Variants in DCST1 observed in about 807,000 individuals in gnomAD.
DCST1 encodes the protein DC-STAMP domain containing 1.
In DCST1, 78 loss-of-function variants were observed where a neutral mutation model predicts 89.1. That is an observed-to-expected ratio of 0.88 (90% confidence interval 0.73 to 1.06). The LOEUF is 1.06. Among genes scored for constraint, DCST1 ranks in the 50% least tolerant of loss-of-function variants. The pLI is 0.00. For missense variants in DCST1, 900 were observed against 928.6 expected (o/e 0.97, Z 0.40); for synonymous variants, 364 against 371.9 (o/e 0.98, Z 0.24).
In DCST1 at chr1:155,041,451, G is replaced by A; in HGVS notation, c.586G>A (p.Asp196Asn). 3 of 1,614,070 alleles carry A rather than the reference G, an allele frequency of 1.9e-6. No homozygotes were observed. The highest frequency in any genetic ancestry group is 2.5e-6 in the Non-Finnish European group (3 of 1,180,044). ...TCGGAACATCTCCGCCACTTTTGAG[G>A]ACCTGGATGCCCAGGTGAATAGTGA... ...ETRNISATFEDLDAQVNSETG... is the reference protein window; with the variant it reads ...ETRNISATFENLDAQVNSETG... Residue 196 changes from aspartate (D) to asparagine (N), a missense_variant, in exon 7 of 17, where the codon GAC (aspartate) becomes AAC (asparagine). Transcript: ENST00000295542.
chr1:155,046,146 C>T lies in DCST1; in HGVS notation c.1294C>T (p.Leu432Phe). Residue 432 changes from leucine (L) to phenylalanine (F), a missense_variant, in exon 12 of 17, where the codon CTC becomes TTC. Physicochemically the swap from Leu to Phe is conservative, Grantham distance 22. Coordinates refer to ENST00000295542, the MANE Select transcript of DCST1 (RefSeq NM_152494.4). Reference sequence around the variant, plus strand: ...CCAGGGCAAACGGACTCTGCTGCCACTCCGCAAAGCTGAGGAGAAAACCGT... The same window carrying T: ...CCAGGGCAAACGGACTCTGCTGCCATTCCGCAAAGCTGAGGAGAAAACCGT... ...KKLGKRTLLPLRKAEEKTVIF... is the reference protein window; with the variant it reads ...KKLGKRTLLPFRKAEEKTVIF... 6.2e-7 allele frequency: 1 copy of T among 1,614,226 alleles called. No individual in the cohort carries two copies. The highest frequency in any genetic ancestry group is 8.5e-7 in the Non-Finnish European group (1 of 1,180,044).
chr1:155,034,196 C>A, intron 2 of DCST1, 99 bp downstream of exon 2: 2 of 1,549,134 alleles, frequency 1.3e-6, no homozygotes, highest in Non-Finnish European at 8.9e-7. Context: ...TCGGTGTCCG[C>A]GCCTCCACCA....
chr1:155,034,392 A>G (rs1279309706), intron 2 of DCST1, 43 bp from the exon 3 acceptor site: 1 of 1,613,322 alleles, frequency 6.2e-7, no homozygotes, highest in East Asian at 2.2e-5. Context: ...GCCCCATCCC[A>G]GGCAGAAGAG....
chr1:155,040,675 A>G, intron 6 of DCST1, 51 bp downstream of exon 6: 1 of 1,501,194 alleles, frequency 6.7e-7, no homozygotes, highest in Non-Finnish European at 8.9e-7. Context: ...CCTGGGGCCA[A>G]GTTAACTTGA....
intron 8 of DCST1, among the ~76,000 whole-genome samples, chr1:155,042,312 T>A (rs921599149): frequency 6.6e-6 from 1 of 152,154 alleles, no homozygotes; most frequent in Non-Finnish European, 1.5e-5. Context: ...TTGACCAAGC[T>A]GGTCTTGAAC....
chr1:155,046,979 T>C (rs1660663052), intron 13 of DCST1, among the ~76,000 whole-genome samples: 1 of 152,108 alleles, frequency 6.6e-6, no homozygotes, highest in Non-Finnish European at 1.5e-5. Flanking sequence ...ATGACAGCCC[T>C]GCAACCTGAC....
In DCST1 at chr1:155,047,317, G is replaced by A; in HGVS notation, c.1612+5G>A. On this transcript the variant is annotated splice_donor_5th_base_variant and intron_variant, in intron 14 of 16. Transcript: ENST00000295542. ...TGATGGAATCAAACAACATGCGTGA[G>A]TGATGCTGAAAGTTTGGATCAGAGG... The A allele has an allele frequency of 6.2e-7, 1 of 1,608,866 alleles. No homozygotes were observed. The highest frequency in any genetic ancestry group is 1.3e-5 in the African/African-American group (1 of 74,952).
At chr1:155,047,143 A>G (rs1404354393) in intron 13 of DCST1, 53 bp from the exon 14 acceptor site, 3 of 1,429,810 alleles carry the variant, frequency 2.1e-6, no homozygotes, top group Non-Finnish European at 3.0e-6. Flanking sequence ...CCCTTAACAC[A>G]TTCCTGATTT....
At chr1:155,036,140 G>A (rs1004693401) in intron 4 of DCST1, among the ~76,000 whole-genome samples, 1 of 150,536 alleles carries the variant, frequency 6.6e-6, no homozygotes, top group South Asian at 2.1e-4. Context: ...CCCCACAGTA[G>A]ACTTCCTCAC....
chr1:155,040,260 GC>G (rs1660399112), intron 5 of DCST1, among the ~76,000 whole-genome samples: 1 of 141,214 alleles, frequency 7.1e-6, no homozygotes, highest in Non-Finnish European at 1.5e-5. Context: ...CAGAGATCGA[GC>G]CACTGCACTC....
chr1:155,046,807 T>G (rs188972355), intron 13 of DCST1, among the ~76,000 whole-genome samples: 1 of 152,094 alleles, frequency 6.6e-6, no homozygotes, highest in East Asian at 1.9e-4. Context: ...AGTTTCACCA[T>G]GTTGGTCAGG....
chr1:155,046,600 C>CCTTTTTTT, intron 13 of DCST1, 114 bp downstream of exon 13: 1 of 532,372 alleles, frequency 1.9e-6, no homozygotes, highest in Non-Finnish European at 2.6e-6. Context: ...CCTTCTGCCT[C>CCTTTTTTT]TTTTTTTTTT....
chr1:155,041,503 T>C lies in DCST1; in HGVS notation c.638T>C (p.Met213Thr). The C allele has an allele frequency of 6.2e-7, 1 of 1,613,998 alleles. No individual in the cohort carries two copies. Among genetic ancestry groups the C allele is most frequent in the East Asian group, 2.2e-5 (1 of 44,876 alleles). Residue 213 changes from methionine (M) to threonine (T), a missense_variant, in exon 7 of 17, where the codon ATG becomes ACG. Met to Thr is a moderately conservative substitution (Grantham distance 81, BLOSUM62 -1). Transcript: ENST00000295542. ...SETGYTPEDT[M>T]DSGETAQGRE... ...ACGGGCTACACGCCTGAGGATACCA[T>C]GGACTCAGGGGAGACAGCCCAGGGC...
Position 155,050,724 on chromosome 1 carries a change from G to A in DCST1, c.1977G>A (p.Val659=), listed in dbSNP as rs1206164072. ...CACCCGAGACGCCCGAGTCCTACGT[G>A]TGCCGGACGCTGGACTGCGAGGCCG... ...CQAPETPESY[V]CRTLDCEAVY... is the part of the protein sequence containing the mutation. Residue 659 remains valine, a synonymous_variant, in exon 17 of 17, where the codon GTG becomes GTA. Coordinates refer to ENST00000295542, the MANE Select transcript of DCST1 (RefSeq NM_152494.4). The A allele has an allele frequency of 6.2e-7, 1 of 1,609,976 alleles. No homozygotes were observed. The highest frequency in any genetic ancestry group is 8.5e-7 in the Non-Finnish European group (1 of 1,178,622).
In DCST1 at chr1:155,050,908, T is replaced by G. The variant is rs1285074043; in HGVS notation, c.*40T>G. On this transcript the variant is annotated 3_prime_UTR_variant, in exon 17 of 17. Coordinates refer to ENST00000295542, the MANE Select transcript of DCST1 (RefSeq NM_152494.4). ...CGCTCTTCCGCACCGTCCTTCCCGG[T>G]TAATAAAATGCCCTGTACGCTTCAC... 6.3e-7 allele frequency: 1 copy of G among 1,595,000 alleles called. No individual in the cohort carries two copies. The highest frequency in any genetic ancestry group is 8.6e-7 in the Non-Finnish European group (1 of 1,166,460).
chr1:155,037,124 C>T (rs1352398416), intron 4 of DCST1, among the ~76,000 whole-genome samples: 1 of 152,162 alleles, frequency 6.6e-6, no homozygotes, highest in Non-Finnish European at 1.5e-5. Context: ...TGCCAGTCTC[C>T]ATGCTTGTGT....
At chr1:155,043,549 C>A in intron 10 of DCST1, 40 bp downstream of exon 10, 1 of 1,537,456 alleles carries the variant, frequency 6.5e-7, no homozygotes, top group Admixed American at 1.9e-5. Context: ...CTCCTCTGCC[C>A]CGGACTGGAG....
intron 14 of DCST1, 131 bp downstream of exon 14, chr1:155,047,443 G>A: frequency 1.3e-6 from 1 of 799,742 alleles, no homozygotes; most frequent in African/African-American, 1.7e-5. Context: ...CTTGAGCTGG[G>A]GAAATCGGAG....
At chr1:155,035,667 C>T (rs1441118338) in intron 4 of DCST1, among the ~76,000 whole-genome samples, 6 of 152,152 alleles carry the variant, frequency 3.9e-5, no homozygotes, top group Admixed American at 2.6e-4. Context: ...CAATGGCTCA[C>T]GCCTGTAATC....
Sources: allele counts gnomAD v4.1 joint callset (sites outside exome capture counted in the v4.1 genomes callset), GRCh38; gene constraint gnomAD v4.1.1; transcripts MANE v1.5; gene names NCBI Gene and HGNC (gene_info 2026-07-23, HGNC 2026-07-21).